WASHC2A: variants seen among roughly 807,000 people sequenced by gnomAD.
The protein encoded by WASHC2A is WASH complex subunit FAM21A.
Under a neutral mutation model 140.3 loss-of-function variants are expected in WASHC2A, and 82 were observed. The ratio of observed to expected loss-of-function variants is 0.58; its 90% CI spans 0.49 to 0.70. WASHC2A has a LOEUF of 0.70. Among genes scored for constraint, WASHC2A ranks in the 30% least tolerant of loss-of-function variants. The pLI, the probability that WASHC2A is intolerant of heterozygous loss-of-function variation, is 0.00. For missense variants in WASHC2A, 985 were observed against 1,521.8 expected (o/e 0.65, Z 5.87); for synonymous variants, 340 against 560.8 (o/e 0.61, Z 5.56).
chr10:50,132,436 C>A (rs1260421630), intron 30 of WASHC2A, among the ~76,000 whole-genome samples: 1 of 152,218 alleles, frequency 6.6e-6, no homozygotes, highest in Non-Finnish European at 1.5e-5. Flanking sequence ...TTTCCCTTTG[C>A]GTATTTTTAT....
intron 5 of WASHC2A, among the ~76,000 whole-genome samples, chr10:50,083,554 C>CTTT (rs1206903936): frequency 3.6e-5 from 3 of 83,686 alleles, no homozygotes; most frequent in Admixed American, 1.1e-4. Context: ...ACTTTGGTAT[C>CTTT]TTTTTTTTTT....
intron 3 of WASHC2A, among the ~76,000 whole-genome samples, chr10:50,076,509 A>G (rs1554877890): frequency 1.3e-5 from 2 of 152,196 alleles, no homozygotes; most frequent in East Asian, 1.9e-4. Flanking sequence ...ATACTTAAAG[A>G]TGGGTGGACA....
intron 17 of WASHC2A, among the ~76,000 whole-genome samples, chr10:50,100,421 G>A (rs1166563450): frequency 6.6e-6 from 1 of 152,120 alleles, no homozygotes; most frequent in Non-Finnish European, 1.5e-5. Context: ...GGCAGAAGTT[G>A]CAATGAACCG....
At chr10:50,132,084 A>T (rs1305577512) in intron 30 of WASHC2A, among the ~76,000 whole-genome samples, 4 of 152,260 alleles carry the variant, frequency 2.6e-5, no homozygotes, top group Non-Finnish European at 5.9e-5. Context: ...TCATGTCAGT[A>T]CATAGAGATC....
At chr10:50,097,398 A>G (rs1258802835) in intron 15 of WASHC2A, among the ~76,000 whole-genome samples, 1 of 151,022 alleles carries the variant, frequency 6.6e-6, no homozygotes. Flanking sequence ...CTTGTAAGCC[A>G]GTCCAAGCTA....
chr10:50,127,117 C>T, intron 26 of WASHC2A, 43 bp from the exon 27 acceptor site: 1 of 1,611,826 alleles, frequency 6.2e-7, no homozygotes, highest in Non-Finnish European at 8.5e-7. Context: ...ACTTGTCTTT[C>T]TGTTTCCCAA....
chr10:50,104,305 A>T (rs1841531448), intron 18 of WASHC2A, among the ~76,000 whole-genome samples, 162 bp downstream of exon 18: 1 of 151,050 alleles, frequency 6.6e-6, no homozygotes, highest in Admixed American at 6.6e-5. Flanking sequence ...TATTTCAGTG[A>T]CTTCTTCCTT....
chr10:50,095,864 C>G, intron 15 of WASHC2A, 86 bp downstream of exon 15: 2 of 1,538,212 alleles, frequency 1.3e-6, no homozygotes, highest in Non-Finnish European at 1.8e-6. Context: ...AGTTCTGTAT[C>G]TCTTACAGTG....
In WASHC2A at chr10:50,127,241, T is replaced by C; in HGVS notation, c.2874+19T>C. On this transcript the variant is annotated intron_variant, in intron 27 of 30. Coordinates refer to ENST00000282633, the MANE Select transcript of WASHC2A (RefSeq NM_001005751.3). ...GATACAAGTAATTAAAACACTGGAA[T>C]CTTCATTGCCTGCCCTGTGGCATCT... 1 of 1,612,020 alleles carries C rather than the reference T, an allele frequency of 6.2e-7. No individual in the cohort carries two copies. Among genetic ancestry groups the C allele is most frequent in the Non-Finnish European group, 8.5e-7 (1 of 1,179,852 alleles).
rs782259216 is a variant in WASHC2A, at chr10:50,106,414, C to G, written c.1818C>G (p.Ser606=). 81 of 1,611,768 alleles carry G rather than the reference C, an allele frequency of 5.0e-5. No individual in the cohort carries two copies. Among genetic ancestry groups the G allele is most frequent in the Non-Finnish European group, 6.5e-5 (77 of 1,179,842 alleles). ...AGAGAGAAGAGAAAGCAAAAGCCTC[C>G]GAGCTCTCCAAAAAGAAAGCATCTG... is the stretch of plus-strand genomic sequence containing the variant. ...QAQREEKAKA[S]ELSKKKASAL... Residue 606 remains serine, a synonymous_variant, in exon 19 of 31, where the codon TCC becomes TCG. Transcript: ENST00000282633.
rs767705171 is a variant in WASHC2A at position 50,130,971 on chromosome 10, C to A, written c.3779C>A (p.Ser1260Tyr). ...KTREKEKTLESNLFDDNIDIF... is the reference protein window; with the variant it reads ...KTREKEKTLEYNLFDDNIDIF... ...AGAGAGAAGGAGAAAACATTGGAAT[C>A]TAATTTATTTGATGATAACATTGAT... The change falls in exon 30 of 31, where the codon TCT (serine) becomes TAT (tyrosine). Residue 1260 changes from serine to tyrosine, a missense_variant. Ser to Tyr is a moderately radical substitution (Grantham distance 144). Coordinates refer to ENST00000282633, the MANE Select transcript of WASHC2A (RefSeq NM_001005751.3). The A allele has an allele frequency of 1.6e-5, 26 of 1,610,060 alleles. No individual in the cohort carries two copies. Among genetic ancestry groups the A allele is most frequent in the Non-Finnish European group, 2.0e-5 (24 of 1,178,844 alleles).
intron 20 of WASHC2A, among the ~76,000 whole-genome samples, chr10:50,113,066 G>A (rs1842415093): frequency 6.6e-6 from 1 of 152,162 alleles, no homozygotes; most frequent in Non-Finnish European, 1.5e-5. Flanking sequence ...ATTGAAGTAC[G>A]CACTTTAAAA....
Position 50,095,214 on chromosome 10 carries a change from T to C in WASHC2A, c.1240+7T>C, listed in dbSNP as rs1840354706. Reference sequence around the variant, plus strand: ...GCTGTTTCTGTATTTTTAGGTAACATAACTTAGGTTTGTTTTCTAAAAACT... The same window carrying C: ...GCTGTTTCTGTATTTTTAGGTAACACAACTTAGGTTTGTTTTCTAAAAACT... On this transcript the variant is annotated splice_region_variant and intron_variant, in intron 14 of 30. Coordinates refer to ENST00000282633, the MANE Select transcript of WASHC2A (RefSeq NM_001005751.3). 6.4e-7 allele frequency: 1 copy of C among 1,560,490 alleles called. No homozygotes were observed. The highest frequency in any genetic ancestry group is 8.7e-7 in the Non-Finnish European group (1 of 1,148,926).
chr10:50,079,974 G>C (rs1160664799), intron 4 of WASHC2A, among the ~76,000 whole-genome samples: 1 of 122,558 alleles, frequency 8.2e-6, no homozygotes, highest in Non-Finnish European at 1.7e-5. Flanking sequence ...TAAAATGCTC[G>C]TAGGGTTTTT....
Position 50,132,868 on chromosome 10 carries a change from G to C in WASHC2A, c.3949G>C (p.Ala1317Pro), listed in dbSNP as rs1296775883. 1 of 1,611,876 alleles carries C rather than the reference G, an allele frequency of 6.2e-7. No individual in the cohort carries two copies. The highest frequency in any genetic ancestry group is 8.5e-7 in the Non-Finnish European group (1 of 1,179,852). ...CAAACCAAAAAGCCGATCTGCACAG[G>C]CCGCACCTGAACCAAGATTTGAACA... ...TTKPKSRSAQAAPEPRFEHKV... is the reference protein window; with the variant it reads ...TTKPKSRSAQPAPEPRFEHKV... The change falls in exon 31 of 31, where the codon GCC (alanine) becomes CCC (proline). Residue 1317 changes from alanine to proline, a missense_variant. Ala to Pro is a conservative substitution (Grantham distance 27). Transcript: ENST00000282633.
chr10:50,094,549 T>C (rs1485159376), intron 13 of WASHC2A, among the ~76,000 whole-genome samples: 2 of 152,238 alleles, frequency 1.3e-5, no homozygotes, highest in African/African-American at 4.8e-5. Flanking sequence ...GTGGTAGTTC[T>C]TGGGACTTGG....
At chr10:50,130,260 A>G (rs1029213287) in intron 29 of WASHC2A, among the ~76,000 whole-genome samples, 4 of 149,920 alleles carry the variant, frequency 2.7e-5, no homozygotes, top group Admixed American at 2.0e-4. Context: ...GGCCATGATC[A>G]TTGATACTGG....
At position 50,098,888 on chromosome 10, in the gene WASHC2A, G is replaced by C. The variant is rs1439638995; in HGVS notation, c.1548+1086G>C. The stretch of plus-strand genomic sequence containing the variant: ...TTGGATCACCTCCCAAGACACATCA[G>C]GTCCACTGTCTGCCTCATTCAGACA... On this transcript the variant is annotated intron_variant, in intron 16 of 30. Coordinates refer to ENST00000282633, the MANE Select transcript of WASHC2A (RefSeq NM_001005751.3). Among the ~76,000 whole-genome samples, 820 of 150,040 alleles carry C rather than the reference G, an allele frequency of 5.5e-3. 11 individuals carry two copies. Among genetic ancestry groups the C allele is most frequent in the African/African-American group, 0.019 (774 of 40,744 alleles).
chr10:50,132,886 T>C lies in WASHC2A; in HGVS notation c.3967T>C (p.Phe1323Leu), dbSNP rs747870703. The C allele has an allele frequency of 1.2e-6, 2 of 1,612,030 alleles. No individual in the cohort carries two copies. The highest frequency in any genetic ancestry group is 2.2e-5 in the South Asian group (2 of 90,992). Residue 1323 changes from phenylalanine (F) to leucine (L), a missense_variant, in exon 31 of 31, where the codon TTT (phenylalanine) becomes CTT (leucine). By Grantham distance (22) the Phe-to-Leu change is conservative (BLOSUM62 0). Coordinates refer to ENST00000282633, the MANE Select transcript of WASHC2A (RefSeq NM_001005751.3). ...TGCACAGGCCGCACCTGAACCAAGATTTGAACACAAGGTGTCCAACATCTT... is the reference window on the plus strand; with the variant it reads ...TGCACAGGCCGCACCTGAACCAAGACTTGAACACAAGGTGTCCAACATCTT... ...RSAQAAPEPR[F>L]EHKVSNIFDD... is the part of the protein sequence containing the mutation.
Sources: allele counts gnomAD v4.1 joint callset (sites outside exome capture counted in the v4.1 genomes callset), GRCh38; gene constraint gnomAD v4.1.1; transcripts MANE v1.5; gene names NCBI Gene and HGNC (gene_info 2026-07-23, HGNC 2026-07-21).